Variants in TRA2A observed in about 807,000 individuals in gnomAD.
TRA2A encodes the protein transformer-2 protein homolog alpha.
A neutral mutation model predicts 45.7 loss-of-function variants in TRA2A; 31 were observed. The observed-to-expected ratio is 0.68, with a 90% CI of 0.51 to 0.92. The LOEUF (loss-of-function observed/expected upper bound fraction) is 0.92. Among genes scored for constraint, TRA2A ranks in the 40% least tolerant of loss-of-function variants. TRA2A has a pLI of 0.00. For synonymous variants in TRA2A, 132 were observed against 126.2 expected (o/e 1.05, Z -0.31); for missense variants, 304 against 367.5 (o/e 0.83, Z 1.41).
At chr7:23,510,117 A>G (rs1217401883) in intron 4 of TRA2A, among the ~76,000 whole-genome samples, 1 of 152,200 alleles carries the variant, frequency 6.6e-6, no homozygotes, top group Non-Finnish European at 1.5e-5. Context: ...AAGACTGGAG[A>G]CAGTCTCAGC....
chr7:23,515,892 C>T (rs555749134), intron 3 of TRA2A, among the ~76,000 whole-genome samples: 13 of 151,492 alleles, frequency 8.6e-5, no homozygotes, highest in East Asian at 4.0e-4. Context: ...AATATACTCC[C>T]GGCCAGGCAT....
intron 3 of TRA2A, among the ~76,000 whole-genome samples, chr7:23,516,117 G>T (rs1306463580): frequency 6.6e-6 from 1 of 152,074 alleles, no homozygotes; most frequent in Non-Finnish European, 1.5e-5. Flanking sequence ...TCCAGCCTGG[G>T]AGACAGAGTA....
rs761351382 is a variant in TRA2A at position 23,516,493 on chromosome 7, G to A, written c.206C>T (p.Thr69Ile). ...AGAGTGAGAGTGGGATCTGGATCGA[G>A]TGTAACGTCTATGAGAATGTCTCCT... is the stretch of plus-strand genomic sequence containing the variant. ...RSRRHSHRRY[T>I]RSRSHSHSHR... Residue 69 changes from threonine (T) to isoleucine (I), a missense_variant, in exon 3 of 8, where the codon ACT (threonine) becomes ATT (isoleucine). This residue lies in a region of TRA2A where 132 missense variants were observed against 113.4 expected (regional missense o/e 1.16). Coordinates refer to ENST00000297071, the MANE Select transcript of TRA2A (RefSeq NM_013293.5). 1.2e-6 allele frequency: 2 copies of A among 1,614,222 alleles called. No homozygotes were observed. Among genetic ancestry groups the A allele is most frequent in the South Asian group, 1.1e-5 (1 of 91,090 alleles).
rs746994074 is a variant in TRA2A at position 23,531,743 on chromosome 7, G to A, written c.36+46C>T. On this transcript the variant is annotated intron_variant, in intron 1 of 7. Coordinates refer to ENST00000297071, the MANE Select transcript of TRA2A (RefSeq NM_013293.5). ...ACCGCGCTTGTTCCCGTGAAACCCC[G>A]AGCATTGGGCCGCCGCCTAGACGGC... 5 of 1,609,726 alleles carry A rather than the reference G, an allele frequency of 3.1e-6. No homozygotes were observed. In the Middle Eastern group the frequency reaches 5.0e-4, roughly 159 times the overall value.
intron 1 of TRA2A, among the ~76,000 whole-genome samples, chr7:23,523,979 G>A (rs1256924974): frequency 6.6e-6 from 1 of 152,076 alleles, no homozygotes; most frequent in African/African-American, 2.4e-5. Context: ...ATCTACGAAC[G>A]CTGCTACAGT....
intron 3 of TRA2A, among the ~76,000 whole-genome samples, chr7:23,515,129 T>G (rs537206923): frequency 6.6e-6 from 1 of 152,264 alleles, no homozygotes; most frequent in Admixed American, 6.5e-5. Flanking sequence ...TTTTAATATT[T>G]CTTTGACCCC....
At chr7:23,526,302 G>A (rs1790338629) in intron 1 of TRA2A, among the ~76,000 whole-genome samples, 1 of 152,078 alleles carries the variant, frequency 6.6e-6, no homozygotes, top group South Asian at 2.1e-4. Flanking sequence ...CTAACATTAA[G>A]GCCAGGCAAA....
intron 2 of TRA2A, among the ~76,000 whole-genome samples, 196 bp from the exon 3 acceptor site, chr7:23,516,724 C>T (rs1789887661): frequency 6.6e-6 from 1 of 152,082 alleles, no homozygotes; most frequent in African/African-American, 2.4e-5. Flanking sequence ...TCTACATTCA[C>T]CCTTTTCACC....
chr7:23,520,787 G>T (rs189535047), intron 2 of TRA2A, among the ~76,000 whole-genome samples: 1 of 151,624 alleles, frequency 6.6e-6, no homozygotes, highest in Admixed American at 6.6e-5. Context: ...CCGCCTCCTG[G>T]GTTCAAGCGA....
At chr7:23,515,512 C>T (rs1162083846) in intron 3 of TRA2A, among the ~76,000 whole-genome samples, 2 of 151,254 alleles carry the variant, frequency 1.3e-5, no homozygotes, top group Non-Finnish European at 2.9e-5. Flanking sequence ...CCACCACGCC[C>T]GGCCGGAACA....
At chr7:23,530,216 T>C (rs1790514533) in intron 1 of TRA2A, among the ~76,000 whole-genome samples, 1 of 152,214 alleles carries the variant, frequency 6.6e-6, no homozygotes, top group Non-Finnish European at 1.5e-5. Context: ...AAAGTTCTGT[T>C]GGGGCCATCA....
chr7:23,513,532 C>T (rs1456824115), intron 3 of TRA2A, among the ~76,000 whole-genome samples: 2 of 152,002 alleles, frequency 1.3e-5, no homozygotes, highest in African/African-American at 4.8e-5. Context: ...GCAGGAGAAT[C>T]GCTTGAATCC....
chr7:23,508,391 C>G (rs946057656), intron 4 of TRA2A, among the ~76,000 whole-genome samples: 13 of 151,862 alleles, frequency 8.6e-5, no homozygotes, highest in African/African-American at 2.9e-4. Flanking sequence ...CCTTAGTCTC[C>G]TAAGTAGCTA....
At chr7:23,512,779 AAAAAAAAAG>A in intron 4 of TRA2A, 106 bp downstream of exon 4, 2 of 973,114 alleles carry the variant, frequency 2.1e-6, no homozygotes, top group Non-Finnish European at 1.4e-6. Context: ...TCTTTAAAAA[AAAAAAAAAG>A]AAAAAAAGGA....
intron 1 of TRA2A, among the ~76,000 whole-genome samples, chr7:23,530,471 A>C (rs1478945494): frequency 6.6e-6 from 1 of 152,214 alleles, no homozygotes; most frequent in African/African-American, 2.4e-5. Context: ...TTCGCCCTTC[A>C]GCACACACAC....
At chr7:23,519,715 G>A (rs934705695) in intron 2 of TRA2A, among the ~76,000 whole-genome samples, 5 of 152,066 alleles carry the variant, frequency 3.3e-5, no homozygotes, top group Middle Eastern at 3.2e-3. Context: ...TTTTTTGCAC[G>A]ATTTTACAAA....
chr7:23,531,411 A>T, intron 1 of TRA2A: 1 of 314,936 alleles, frequency 3.2e-6, no homozygotes, highest in Non-Finnish European at 5.5e-6. Flanking sequence ...CGCAGGAAGC[A>T]CCTACCACTA....
intron 2 of TRA2A, 33 bp downstream of exon 2, chr7:23,521,674 G>A (rs1026649647): frequency 1.2e-6 from 2 of 1,605,728 alleles, no homozygotes; most frequent in Admixed American, 3.4e-5. Context: ...AACCCCAGAA[G>A]AATATTTTAA....
chr7:23,509,362 AT>A lies in TRA2A; in HGVS notation c.526-1828del, dbSNP rs80197849. Among the ~76,000 whole-genome samples, 56 of 152,292 alleles carry A rather than the reference AT, an allele frequency of 3.7e-4. No homozygotes were observed. The East Asian group carries it at 7.7e-3, about 21-fold the overall frequency. On this transcript the variant is annotated intron_variant, in intron 4 of 7. Transcript: ENST00000297071. The stretch of plus-strand genomic sequence containing the variant: ...TATTATCTTCACCATATGCACACTA[AT>A]AACTTTGAAACTTCAGTGAAATTTT...
Sources: gnomAD v4.1 joint callset for allele counts (sites outside exome capture counted in the v4.1 genomes callset) on GRCh38, gnomAD v4.1.1 for gene constraint, gnomAD v4.1.1 regional missense constraint, MANE v1.5 for transcripts, NCBI Gene and HGNC (gene_info 2026-07-23, HGNC 2026-07-21) for gene names.